BCKDHB: variants seen among roughly 807,000 people sequenced by gnomAD.
BCKDHB encodes 2-oxoisovalerate dehydrogenase subunit beta, mitochondrial.
In BCKDHB, 41 loss-of-function variants were observed where a neutral mutation model predicts 48.5. The ratio of observed to expected loss-of-function variants is 0.85; its 90% CI spans 0.66 to 1.10. The LOEUF is 1.10. Ranked by LOEUF, BCKDHB falls within the 50% of genes least tolerant of loss-of-function variation. BCKDHB has a pLI of 0.00. For synonymous variants in BCKDHB, 201 were observed against 174.8 expected (o/e 1.15, Z -1.18); for missense variants, 496 against 494.2 (o/e 1.00, Z -0.03).
At chr6:80,248,185 G>A (rs562367871) in intron 8 of BCKDHB, among the ~76,000 whole-genome samples, 1 of 152,186 alleles carries the variant, frequency 6.6e-6, no homozygotes, top group Non-Finnish European at 1.5e-5. Flanking sequence ...TTTAATTGAA[G>A]CAAATTTTTC....
intron 8 of BCKDHB, among the ~76,000 whole-genome samples, chr6:80,217,779 C>T (rs1356552086): frequency 6.6e-6 from 1 of 152,122 alleles, no homozygotes; most frequent in African/African-American, 2.4e-5. Context: ...TCCATGCATG[C>T]TCACTAAAAA....
chr6:80,365,501 G>A, the BCKDHB span, among the ~76,000 whole-genome samples: 68,252 of 151,780 alleles, frequency 0.45, 15,800 homozygotes, highest in East Asian at 0.66. Context: ...TCCTACTTGC[G>A]TGTCCGTTTA....
intron 3 of BCKDHB, among the ~76,000 whole-genome samples, chr6:80,166,003 G>A (rs1772550025): frequency 6.6e-6 from 1 of 152,156 alleles, no homozygotes; most frequent in Non-Finnish European, 1.5e-5. Context: ...ACCAGACTGA[G>A]TCTATTTGTT....
At chr6:80,317,606 T>G (rs1582559142) in intron 9 of BCKDHB, among the ~76,000 whole-genome samples, 2 of 152,222 alleles carry the variant, frequency 1.3e-5, no homozygotes, top group African/African-American at 4.8e-5. Flanking sequence ...CAGGCTACTA[T>G]TCCCATCTCA....
At chr6:80,209,104 A>G (rs1394905739) in intron 8 of BCKDHB, among the ~76,000 whole-genome samples, 1 of 151,938 alleles carries the variant, frequency 6.6e-6, no homozygotes, top group East Asian at 1.9e-4. Context: ...ATTTATTAAA[A>G]TTCAATATTT....
Position 80,287,037 on chromosome 6 carries a change from C to G in BCKDHB, c.1038+13816C>G, listed in dbSNP as rs535076078. ...CATAGTTTCAGCTTCTATGTCAGGC[C>G]AAAGGGAGGTGAACTGGTGGGGAGT... On this transcript the variant is annotated intron_variant, in intron 9 of 9. Coordinates refer to ENST00000320393, the MANE Select transcript of BCKDHB (RefSeq NM_183050.4). 6.6e-5 allele frequency among the ~76,000 whole-genome samples: 10 copies of G among 152,154 alleles called. No homozygotes were observed. The South Asian group carries it at 2.1e-3, about 32-fold the overall frequency.
chr6:80,406,140 G>A, the BCKDHB span, among the ~76,000 whole-genome samples: 17 of 152,084 alleles, frequency 1.1e-4, no homozygotes, highest in Non-Finnish European at 1.6e-4. Context: ...CCATGTCCCT[G>A]CAAAGGAAAT....
intron 9 of BCKDHB, among the ~76,000 whole-genome samples, chr6:80,298,867 G>T (rs1170810155): frequency 1.3e-5 from 2 of 152,166 alleles, no homozygotes; most frequent in African/African-American, 4.8e-5. Context: ...GTCATGAAAG[G>T]ATCTTTTCTG....
chr6:80,411,800 C>T, the BCKDHB span, among the ~76,000 whole-genome samples: 9 of 152,336 alleles, frequency 5.9e-5, no homozygotes, highest in South Asian at 4.1e-4. Flanking sequence ...CCTGGTTTGC[C>T]GGTTGCTAAG....
At chr6:80,266,869 T>C (rs1213133598) in intron 8 of BCKDHB, among the ~76,000 whole-genome samples, 1 of 152,080 alleles carries the variant, frequency 6.6e-6, no homozygotes, top group Non-Finnish European at 1.5e-5. Context: ...CAACATTTAT[T>C]GAGCGGCCAC....
the BCKDHB span, among the ~76,000 whole-genome samples, chr6:80,365,823 C>T: frequency 6.6e-6 from 1 of 152,188 alleles, no homozygotes; most frequent in Non-Finnish European, 1.5e-5. Flanking sequence ...TGAATCTTCA[C>T]AATTTATGTT....
At chr6:80,346,936 C>A (rs1010881945), downstream of BCKDHB, among the ~76,000 whole-genome samples, 5 of 151,878 alleles carry the variant, frequency 3.3e-5, no homozygotes, top group African/African-American at 2.4e-5. Flanking sequence ...GGTCTCTACC[C>A]CCATAAAGCA....
intron 9 of BCKDHB, among the ~76,000 whole-genome samples, chr6:80,320,363 C>A (rs896355904): frequency 6.6e-6 from 1 of 152,184 alleles, no homozygotes; most frequent in Admixed American, 6.5e-5. Flanking sequence ...CCATTTCTGA[C>A]ATAAAAGTTA....
the BCKDHB span, among the ~76,000 whole-genome samples, chr6:80,459,859 A>G: frequency 6.6e-6 from 1 of 152,180 alleles, no homozygotes. Flanking sequence ...GAATTACTCG[A>G]TGATCTGAGT....
chr6:80,209,213 C>T (rs1774808131), intron 8 of BCKDHB, among the ~76,000 whole-genome samples: 1 of 151,834 alleles, frequency 6.6e-6, no homozygotes, highest in Non-Finnish European at 1.5e-5. Flanking sequence ...AATTATAATT[C>T]CTAGTGAAAT....
At chr6:80,420,633 C>T in the BCKDHB span, among the ~76,000 whole-genome samples, 2 of 152,190 alleles carry the variant, frequency 1.3e-5, no homozygotes, top group African/African-American at 4.8e-5. Context: ...CAGAGGAATG[C>T]CACATGGTGA....
At chr6:80,193,890 GTC>G (rs1018124317) in intron 6 of BCKDHB, among the ~76,000 whole-genome samples, 12 of 152,152 alleles carry the variant, frequency 7.9e-5, no homozygotes, top group African/African-American at 2.7e-4. Context: ...ACATATTCAT[GTC>G]TCTCAATATT....
the BCKDHB span, among the ~76,000 whole-genome samples, chr6:80,436,147 CTTTTTTTTT>C: frequency 1.3e-4 from 9 of 70,338 alleles, no homozygotes; most frequent in African/African-American, 1.4e-4. Context: ...AAATTCTTTT[CTTTTTTTTT>C]TTTTTTTTTT....
chr6:80,222,542 C>G (rs1307810505), intron 8 of BCKDHB, among the ~76,000 whole-genome samples: 1 of 152,108 alleles, frequency 6.6e-6, no homozygotes, highest in Non-Finnish European at 1.5e-5. Flanking sequence ...ATAAGTCTTT[C>G]AACACTGAGT....
Sources: gnomAD v4.1 joint callset for allele counts (sites outside exome capture counted in the v4.1 genomes callset) on GRCh38, gnomAD v4.1.1 for gene constraint, MANE v1.5 for transcripts, NCBI Gene and HGNC (gene_info 2026-07-23, HGNC 2026-07-21) for gene names.